Variants in GPR137B observed in about 807,000 individuals in gnomAD.
GPR137B encodes the protein G protein-coupled receptor 137B, also known as integral membrane protein GPR137B.
In GPR137B, 42 loss-of-function variants were observed where a neutral mutation model predicts 42.5. The observed-to-expected ratio is 0.99, with a 90% CI of 0.77 to 1.28. GPR137B has a LOEUF of 1.28. Ranked by LOEUF, GPR137B falls within the 50% of genes most tolerant of loss-of-function variation. The probability of loss-of-function intolerance (pLI) is 0.00; values close to 1 mark genes in which losing one functional copy is unlikely to be tolerated. For missense variants in GPR137B, 487 were observed against 493.9 expected (o/e 0.99, Z 0.13); for synonymous variants, 218 against 209.7 (o/e 1.04, Z -0.34).
chr1:236,171,906 G>T lies in GPR137B; in HGVS notation c.464+3151G>T, dbSNP rs764466381. ...ATACAAAAATTAGCCAGGCATGATG[G>T]CGCATGCCTGTAATCCCAGCTACTT... On this transcript the variant is annotated intron_variant, in intron 2 of 6. Transcript: ENST00000366592. The surrounding 1 kb of genome is among the most constrained non-coding windows in gnomAD (Gnocchi z 4.4). Among the ~76,000 whole-genome samples, 1 of 152,188 alleles carries T rather than the reference G, an allele frequency of 6.6e-6. No homozygotes were observed. Among genetic ancestry groups the T allele is most frequent in the Non-Finnish European group, 1.5e-5 (1 of 68,042 alleles).
chr1:236,147,483 G>A (rs888823965), intron 1 of GPR137B, among the ~76,000 whole-genome samples: 1 of 152,174 alleles, frequency 6.6e-6, no homozygotes, highest in Admixed American at 6.5e-5. Flanking sequence ...GAAAGCCATG[G>A]GATCACTGAG....
intron 6 of GPR137B, among the ~76,000 whole-genome samples, chr1:236,205,730 G>A (rs926849326): frequency 1.3e-5 from 2 of 152,098 alleles, no homozygotes; most frequent in Non-Finnish European, 2.9e-5. Context: ...TAGTAGAGAC[G>A]GGGTTTTGCC....
intron 2 of GPR137B, among the ~76,000 whole-genome samples, chr1:236,174,166 CAT>C (rs1224598673): frequency 6.6e-6 from 1 of 152,170 alleles, no homozygotes; most frequent in Non-Finnish European, 1.5e-5. Context: ...TTAGGTCACA[CAT>C]ATTTTTCCAT....
At chr1:236,144,742 A>C (rs1372170085) in intron 1 of GPR137B, among the ~76,000 whole-genome samples, 1 of 152,238 alleles carries the variant, frequency 6.6e-6, no homozygotes, top group Non-Finnish European at 1.5e-5. Flanking sequence ...CAAGATGCAA[A>C]AGACAGGTGA....
At chr1:236,195,283 G>A (rs1201279986) in intron 5 of GPR137B, among the ~76,000 whole-genome samples, 1 of 150,802 alleles carries the variant, frequency 6.6e-6, no homozygotes, top group Non-Finnish European at 1.5e-5. Context: ...CCCAGCCTCT[G>A]GCAACCATCC....
At chr1:236,160,174 TTC>T (rs1662146328) in intron 1 of GPR137B, among the ~76,000 whole-genome samples, 1 of 152,212 alleles carries the variant, frequency 6.6e-6, no homozygotes, top group Non-Finnish European at 1.5e-5. Flanking sequence ...CTGCAATTTC[TTC>T]TTTCTCCTTC....
At chr1:236,189,235 G>A (rs985981117) in intron 5 of GPR137B, among the ~76,000 whole-genome samples, 4 of 151,894 alleles carry the variant, frequency 2.6e-5, no homozygotes, top group African/African-American at 7.3e-5. Context: ...TCTGGCTAGC[G>A]GTTTATCCAT....
At chr1:236,193,383 A>C (rs1185201392) in intron 5 of GPR137B, among the ~76,000 whole-genome samples, 3 of 152,118 alleles carry the variant, frequency 2.0e-5, no homozygotes, top group South Asian at 2.1e-4. Flanking sequence ...TCTCTCGGGT[A>C]TATTCTTAGG....
chr1:236,183,173 A>G (rs1283504794), intron 4 of GPR137B, among the ~76,000 whole-genome samples: 1 of 152,172 alleles, frequency 6.6e-6, no homozygotes, highest in Non-Finnish European at 1.5e-5. Context: ...GCCTCATACC[A>G]AACACCTTAG....
At position 236,168,772 on chromosome 1, in the gene GPR137B, A is replaced by G. The variant is rs373247425; in HGVS notation, c.464+17A>G. On this transcript the variant is annotated intron_variant, in intron 2 of 6. Coordinates refer to ENST00000366592, the MANE Select transcript of GPR137B (RefSeq NM_003272.4). Reference sequence around the variant, plus strand: ...CAAATACCGGTAAGTACTGCAGGGCATCTCTTTCTGTGGTAGAAGGGGAAA... The same window carrying G: ...CAAATACCGGTAAGTACTGCAGGGCGTCTCTTTCTGTGGTAGAAGGGGAAA... 1.7e-5 allele frequency: 26 copies of G among 1,564,696 alleles called. No homozygotes were observed. The African/African-American group carries it at 2.6e-4, about 15-fold the overall frequency.
chr1:236,168,606 C>A, intron 1 of GPR137B, 100 bp from the exon 2 acceptor site: 1 of 875,050 alleles, frequency 1.1e-6, no homozygotes, highest in Non-Finnish European at 2.0e-6. Context: ...ACGTGCCCAG[C>A]GCTGGGGGAT....
chr1:236,183,470 T>G (rs1360062819), intron 4 of GPR137B, among the ~76,000 whole-genome samples: 1 of 152,170 alleles, frequency 6.6e-6, no homozygotes, highest in Non-Finnish European at 1.5e-5. Flanking sequence ...GTTAGAAGTT[T>G]CTGTCTTTGA....
chr1:236,203,280 T>G (rs1663552102), intron 5 of GPR137B, among the ~76,000 whole-genome samples: 1 of 152,118 alleles, frequency 6.6e-6, no homozygotes. Flanking sequence ...GGTTTCACTG[T>G]GTTAGCCAGG....
chr1:236,165,650 C>T (rs1228181802), intron 1 of GPR137B, among the ~76,000 whole-genome samples: 1 of 152,168 alleles, frequency 6.6e-6, no homozygotes, highest in Non-Finnish European at 1.5e-5. Context: ...CAGTGCTTCC[C>T]AAACTCTATT....
intron 2 of GPR137B, among the ~76,000 whole-genome samples, chr1:236,176,531 C>A (rs557264523): frequency 6.6e-6 from 1 of 152,146 alleles, no homozygotes; most frequent in Non-Finnish European, 1.5e-5. Context: ...TCTCTCAGCA[C>A]GAGCCTGATG....
chr1:236,166,330 A>G (rs1662351054), intron 1 of GPR137B, among the ~76,000 whole-genome samples: 1 of 151,458 alleles, frequency 6.6e-6, no homozygotes, highest in Non-Finnish European at 1.5e-5. Context: ...AGAAATACCA[A>G]AGGTGACGTG....
intron 1 of GPR137B, among the ~76,000 whole-genome samples, chr1:236,147,088 C>T (rs1237087947): frequency 2.0e-5 from 3 of 152,194 alleles, no homozygotes; most frequent in Non-Finnish European, 4.4e-5. Flanking sequence ...GGATTGCAGG[C>T]GTGAGCCACT....
intron 3 of GPR137B, among the ~76,000 whole-genome samples, chr1:236,179,249 G>A (rs924144156): frequency 1.4e-4 from 21 of 152,122 alleles, no homozygotes; most frequent in African/African-American, 4.6e-4. Flanking sequence ...GTTAATGACT[G>A]TCTAATACAG....
chr1:236,194,560 A>G (rs889580646), intron 5 of GPR137B, among the ~76,000 whole-genome samples: 8 of 152,214 alleles, frequency 5.3e-5, no homozygotes, highest in African/African-American at 1.9e-4. Context: ...TAACTTTTAA[A>G]TAGGTCACTG....
Sources: allele counts gnomAD v4.1 joint callset (sites outside exome capture counted in the v4.1 genomes callset), GRCh38; gene constraint gnomAD v4.1.1; non-coding constraint Gnocchi (gnomAD v3.1); transcripts MANE v1.5; gene names NCBI Gene and HGNC (gene_info 2026-07-23, HGNC 2026-07-21).